The following ADAR variants were observed in gnomAD, a reference collection of about 807,000 sequenced individuals.
ADAR encodes the protein double-stranded RNA-specific adenosine deaminase.
In ADAR, 41 loss-of-function variants were observed where a neutral mutation model predicts 113.2. The ratio of observed to expected loss-of-function variants is 0.36; its 90% CI spans 0.28 to 0.47. The LOEUF is 0.47. Among genes scored for constraint, ADAR ranks in the 20% least tolerant of loss-of-function variants. ADAR has a pLI of 1.00. For missense variants in ADAR, 1,242 were observed against 1,540.9 expected, an observed-to-expected ratio of 0.81 and a Z score of 3.25; for synonymous variants, 605 against 572.6, an observed-to-expected ratio of 1.06 and a Z score of -0.81.
chr1:154,607,745 A>G (rs886332963), intron 1 of ADAR, among the ~76,000 whole-genome samples: 15 of 151,026 alleles, frequency 9.9e-5, no homozygotes, highest in Non-Finnish European at 1.5e-5. Context: ...ACACACACAC[A>G]CACACACTCT....
chr1:154,604,228 G>T (rs960599867), intron 1 of ADAR, among the ~76,000 whole-genome samples: 1 of 152,210 alleles, frequency 6.6e-6, no homozygotes, highest in Admixed American at 6.5e-5. Flanking sequence ...GTACCTGTGG[G>T]CCATAGTTTC....
At chr1:154,587,273 T>A (rs971488428) in intron 11 of ADAR, among the ~76,000 whole-genome samples, 1 of 152,258 alleles carries the variant, frequency 6.6e-6, no homozygotes, top group Non-Finnish European at 1.5e-5. Flanking sequence ...GCTTTTTTCA[T>A]TTGGCATCAA....
intron 11 of ADAR, 144 bp from the exon 12 acceptor site, chr1:154,586,507 AC>A: frequency 1.1e-6 from 1 of 884,792 alleles, no homozygotes; most frequent in Non-Finnish European, 1.8e-6. Flanking sequence ...TGCGCCAGGC[AC>A]TATGCTTGGT....
At position 154,587,094 on chromosome 1, in the gene ADAR, A is replaced by C. The variant is rs114409798; in HGVS notation, c.3020-731T>G. Among the ~76,000 whole-genome samples the C allele has an allele frequency of 8.7e-3, 1,329 of 152,326 alleles. 23 individuals are homozygous for C. Among genetic ancestry groups the C allele is most frequent in the African/African-American group, 0.03 (1,264 of 41,564 alleles). On this transcript the variant is annotated intron_variant, in intron 11 of 14. Coordinates refer to ENST00000368474, the MANE Select transcript of ADAR (RefSeq NM_001111.5). ...ACCACAGTCAATTTTAGAACATTTCATCGCTCCAAAAAGAAACCTTCTACC... is the reference window on the plus strand; with the variant it reads ...ACCACAGTCAATTTTAGAACATTTCCTCGCTCCAAAAAGAAACCTTCTACC...
rs916311724 is a variant in ADAR, at chr1:154,608,048, C to T, written c.-42G>A. 1 of 1,554,740 alleles carries T rather than the reference C, an allele frequency of 6.4e-7. No homozygotes were observed. Among genetic ancestry groups the T allele is most frequent in the South Asian group, 1.2e-5 (1 of 84,700 alleles). On this transcript the variant is annotated 5_prime_UTR_variant, in exon 1 of 15. In the 5' UTR this introduces an upstream ATG that the reference lacks. Coordinates refer to ENST00000368474, the MANE Select transcript of ADAR (RefSeq NM_001111.5). Reference sequence around the variant, plus strand: ...TGCCCGGCCCGACCCGCCGGCGGCACGACCCTGGCCCGACCGCTGGGCCGC... The same window carrying T: ...TGCCCGGCCCGACCCGCCGGCGGCATGACCCTGGCCCGACCGCTGGGCCGC...
rs1247142445 is a variant in ADAR, at chr1:154,588,202, A to G, written c.2942T>C (p.Met981Thr). 2 of 1,613,792 alleles carry G rather than the reference A, an allele frequency of 1.2e-6. No homozygotes were observed. Among genetic ancestry groups the G allele is most frequent in the South Asian group, 1.1e-5 (1 of 91,052 alleles). ...GTAGTGGCGGGATTCTGTGCTTTCC[A>G]TAGCACGGTCGCTGCAGGACTTGTC... ...LFDKSCSDRA[M>T]ESTESRHYPV... is the part of the protein sequence containing the mutation. The change falls in exon 11 of 15, where the codon ATG becomes ACG. Residue 981 changes from methionine (M) to threonine (T), a missense_variant. Met to Thr is a moderately conservative substitution (Grantham distance 81). Coordinates refer to ENST00000368474, the MANE Select transcript of ADAR (RefSeq NM_001111.5).
chr1:154,594,720 T>G (rs1571081694), intron 6 of ADAR, among the ~76,000 whole-genome samples: 1 of 152,222 alleles, frequency 6.6e-6, no homozygotes, highest in African/African-American at 2.4e-5. Context: ...GGATCCACCA[T>G]CTTGCAGCCA....
In ADAR at chr1:154,602,000, G is replaced by A. The variant is rs781005907; in HGVS notation, c.642C>T (p.Asp214=). 15 of 1,614,100 alleles carry A rather than the reference G, an allele frequency of 9.3e-6. No individual in the cohort carries two copies. Among genetic ancestry groups the A allele is most frequent in the South Asian group, 3.3e-5 (3 of 91,084 alleles). Residue 214 remains aspartate, a synonymous_variant, in exon 2 of 15, where the codon GAC becomes GAT. Transcript: ENST00000368474. The surrounding 1 kb of genome is among the most constrained non-coding windows in gnomAD (Gnocchi z 4.7). ...AGTTTGGGGCTCCTTGGCTATGACC[G>A]TCTGGTCTTACCACTCCGCTGTGCT... ...WNQHSGVVRP[D]GHSQGAPNSD...
intron 6 of ADAR, among the ~76,000 whole-genome samples, chr1:154,593,475 G>A (rs1038963504): frequency 5.9e-5 from 9 of 152,186 alleles, no homozygotes; most frequent in Admixed American, 2.0e-4. Context: ...CTAGTTCATA[G>A]TAAGTTCTTA....
rs1466550379 is a variant in ADAR at position 154,601,915 on chromosome 1, C to T, written c.727G>A (p.Glu243Lys). The T allele has an allele frequency of 6.2e-6, 10 of 1,613,718 alleles. No individual in the cohort carries two copies. The South Asian group carries it at 1.1e-4, about 18-fold the overall frequency. ...NSTSVSEDLL[E>K]PFIAVSAQAW... is the part of the protein sequence containing the mutation. ...TGAGCTGAGACTGCAATAAAAGGCT[C>T]AAGAAGATCTTCTGAGACAGATGTG... The change falls in exon 2 of 15, where the codon GAG becomes AAG. Residue 243 changes from glutamate (E) to lysine (K), a missense_variant. This residue lies in a region of ADAR where 462 missense variants were observed against 483.1 expected (regional missense o/e 0.96). Transcript: ENST00000368474. This position sits in a 1 kb window ranked among gnomAD's most constrained non-coding sequence, Gnocchi z 4.7.
In ADAR at chr1:154,598,402, C is replaced by T. The variant is rs773832743; in HGVS notation, c.1785G>A (p.Lys595=). The change falls in exon 3 of 15, where the codon AAG becomes AAA. Residue 595 remains lysine, a splice_region_variant and synonymous_variant. Transcript: ENST00000368474. ...TCCCAGATGGCAGGAGGACACCTAC[C>T]TTCTCTGATTCTTTCTCTGTGGAAT... is the stretch of plus-strand genomic sequence containing the variant. ...SHYSTEKESE[K]TAESQTPTPS... The T allele has an allele frequency of 5.0e-6, 8 of 1,614,012 alleles. No individual in the cohort carries two copies. The South Asian group carries it at 7.7e-5, about 16-fold the overall frequency.
chr1:154,608,158 G>A lies in ADAR; in HGVS notation c.-152C>T. The A allele has an allele frequency of 1.1e-6, 1 of 938,452 alleles. No homozygotes were observed. The highest frequency in any genetic ancestry group is 1.5e-6 in the Non-Finnish European group (1 of 667,130). 58.1% of individuals were successfully genotyped at this position (938,452 alleles called of 1,614,324 possible). On this transcript the variant is annotated 5_prime_UTR_variant, in exon 1 of 15. Coordinates refer to ENST00000368474, the MANE Select transcript of ADAR (RefSeq NM_001111.5). Reference sequence around the variant, plus strand: ...TCGGCACGGGAAACTCCGCGGGTCTGCGCGCCGGGCCCAAGATGGCTCCGG... The same window carrying A: ...TCGGCACGGGAAACTCCGCGGGTCTACGCGCCGGGCCCAAGATGGCTCCGG...
At chr1:154,587,475 T>G (rs543390350) in intron 11 of ADAR, among the ~76,000 whole-genome samples, 3 of 152,316 alleles carry the variant, frequency 2.0e-5, no homozygotes, top group Admixed American at 6.5e-5. Context: ...TTAGTTTCCG[T>G]GTGGACACAG....
At chr1:154,627,914 A>ACCCCCCCCCCCCCCCC in exon 1 of ADAR, 32 of 463,282 alleles carry the variant, frequency 6.9e-5, no homozygotes, top group Middle Eastern at 3.7e-4. Context: ...TGCGGCCGCG[A>ACCCCCCCCCCCCCCCC]CCCTCCCCCC....
chr1:154,599,949 T>C (rs537703429), intron 2 of ADAR, among the ~76,000 whole-genome samples: 3 of 152,272 alleles, frequency 2.0e-5, no homozygotes, highest in South Asian at 4.1e-4. Context: ...CCAGGAGCTA[T>C]GCAGAGGGGG....
chr1:154,585,932 T>C, intron 12 of ADAR, 67 bp from the exon 13 acceptor site: 2 of 1,435,644 alleles, frequency 1.4e-6, no homozygotes, highest in Admixed American at 1.9e-5. Flanking sequence ...GGCAGAAGCA[T>C]GTGGGGATTT....
upstream of ADAR, among the ~76,000 whole-genome samples, chr1:154,613,103 G>A (rs1038513790): frequency 3.3e-5 from 5 of 151,104 alleles, no homozygotes; most frequent in East Asian, 2.0e-4. Flanking sequence ...GAGCCACTGC[G>A]CTAGTCCCTC....
At chr1:154,618,980 G>A (rs1698711266) in intron 1 of ADAR, among the ~76,000 whole-genome samples, 1 of 152,138 alleles carries the variant, frequency 6.6e-6, no homozygotes, top group African/African-American at 2.4e-5. Flanking sequence ...CGTGGTGGCA[G>A]GTACTTGTAA....
intron 1 of ADAR, among the ~76,000 whole-genome samples, chr1:154,627,018 G>C (rs1196167630): frequency 2.0e-5 from 3 of 152,148 alleles, no homozygotes; most frequent in South Asian, 2.1e-4. Flanking sequence ...CTAGCAACAA[G>C]ACACTGTGTA....
Sources: allele counts gnomAD v4.1 joint callset (sites outside exome capture counted in the v4.1 genomes callset), GRCh38; gene constraint gnomAD v4.1.1; regional missense constraint gnomAD v4.1.1; non-coding constraint Gnocchi (gnomAD v3.1); transcripts MANE v1.5; gene names NCBI Gene and HGNC (gene_info 2026-07-23, HGNC 2026-07-21).